The following POLR3B variants were observed in gnomAD, a reference collection of about 807,000 sequenced individuals.
POLR3B encodes the protein RNA polymerase III subunit B.
POLR3B carries 96 observed loss-of-function variants against 147.4 expected under a neutral mutation model. That is an observed-to-expected ratio of 0.65 (90% confidence interval 0.55 to 0.77). The LOEUF (loss-of-function observed/expected upper bound fraction) is 0.77, where lower values mean the gene tolerates loss of function less well. Among genes scored for constraint, POLR3B ranks in the 30% least tolerant of loss-of-function variants. The pLI is 0.00. For synonymous variants in POLR3B, 461 were observed against 485.9 expected, an observed-to-expected ratio of 0.95 and a Z score of 0.67; for missense variants, 1,036 against 1,413.5, an observed-to-expected ratio of 0.73 and a Z score of 4.28.
chr12:106,487,552 C>A (rs1268218252), intron 23 of POLR3B, among the ~76,000 whole-genome samples: 3 of 152,054 alleles, frequency 2.0e-5, no homozygotes, highest in African/African-American at 7.2e-5. Flanking sequence ...TGATTTTTGT[C>A]TTTTCTTAAA....
In POLR3B at chr12:106,454,507, A is replaced by G. The variant is rs1222269323; in HGVS notation, c.2089A>G (p.Ile697Val). 3 of 1,539,172 alleles carry G rather than the reference A, an allele frequency of 1.9e-6. No homozygotes were observed. In the South Asian group the frequency reaches 3.3e-5, roughly 17 times the overall value. Residue 697 changes from isoleucine to valine, a missense_variant, in exon 20 of 28, where the codon ATA (isoleucine) becomes GTA (valine). Transcript: ENST00000228347. ...CAMGKQAMGT[I>V]GYNQRNRIDT... ...TTTCTCCCATATCAATGCAGGTACTATAGGATACAACCAGCGAAACAGAAT... is the reference window on the plus strand; with the variant it reads ...TTTCTCCCATATCAATGCAGGTACTGTAGGATACAACCAGCGAAACAGAAT...
chr12:106,378,154 G>A, intron 7 of POLR3B, 113 bp from the exon 8 acceptor site: 1 of 773,658 alleles, frequency 1.3e-6, no homozygotes, highest in Admixed American at 1.7e-5. Flanking sequence ...GTTAGCCAGT[G>A]CCATGAAGCA....
Position 106,376,629 on chromosome 12 carries a change from C to CTTTTTTTTTTTTTTT in POLR3B, c.496+185_496+186insTTTTTTTTTTTTTTT, listed in dbSNP as rs137973753. Among the ~76,000 whole-genome samples the CTTTTTTTTTTTTTTT allele has an allele frequency of 8.1e-5, 12 of 147,430 alleles. 1 individual carries two copies. The highest frequency in any genetic ancestry group is 1.5e-4 in the African/African-American group (6 of 38,852). Reference sequence around the variant, plus strand: ...GCTACTAGTCTGTATTTCTTTCTTTCTTTTTTGAGATAGTGTCTCACTCTG... The same window carrying CTTTTTTTTTTTTTTT: ...GCTACTAGTCTGTATTTCTTTCTTTCTTTTTTTTTTTTTTTTTTTTTGAGATAGTGTCTCACTCTG... On this transcript the variant is annotated intron_variant, in intron 7 of 27. Coordinates refer to ENST00000228347, the MANE Select transcript of POLR3B (RefSeq NM_018082.6).
chr12:106,389,943 G>A (rs561488631), intron 9 of POLR3B, among the ~76,000 whole-genome samples: 23 of 152,198 alleles, frequency 1.5e-4, no homozygotes, highest in Non-Finnish European at 2.6e-4. Flanking sequence ...CTTTGGCCAG[G>A]CGTGGTGACT....
At chr12:106,426,525 C>T (rs1218467793) in intron 12 of POLR3B, among the ~76,000 whole-genome samples, 1 of 151,862 alleles carries the variant, frequency 6.6e-6, no homozygotes, top group African/African-American at 2.4e-5. Context: ...CCATCTTGGC[C>T]AGGCTGGTCT....
chr12:106,477,641 C>T (rs1282281286), intron 23 of POLR3B, among the ~76,000 whole-genome samples: 1 of 151,908 alleles, frequency 6.6e-6, no homozygotes, highest in Non-Finnish European at 1.5e-5. Context: ...GTGCGTCCGT[C>T]ACCCCTTTCT....
At position 106,504,260 on chromosome 12, in the gene POLR3B, T is replaced by A. The variant is rs747891348; in HGVS notation, c.3272+6T>A. ...CTTCTGGGGTATTCTGGCTGGTAAGTGGATACCATATGTCTCCCATACCAC... is the reference window on the plus strand; with the variant it reads ...CTTCTGGGGTATTCTGGCTGGTAAGAGGATACCATATGTCTCCCATACCAC... On this transcript the variant is annotated splice_donor_region_variant and intron_variant, in intron 27 of 27. Coordinates refer to ENST00000228347, the MANE Select transcript of POLR3B (RefSeq NM_018082.6). The surrounding 1 kb of genome is among the most constrained non-coding windows in gnomAD (Gnocchi z 4.6). 1 of 1,610,380 alleles carries A rather than the reference T, an allele frequency of 6.2e-7. No homozygotes were observed. Among genetic ancestry groups the A allele is most frequent in the Non-Finnish European group, 8.5e-7 (1 of 1,176,508 alleles).
chr12:106,360,358 G>A (rs2036453584), intron 1 of POLR3B, among the ~76,000 whole-genome samples: 1 of 152,008 alleles, frequency 6.6e-6, no homozygotes, highest in Non-Finnish European at 1.5e-5. Flanking sequence ...CTTTTCCCAT[G>A]GTTCCCCCCT....
chr12:106,401,355 C>T (rs1191969610), intron 10 of POLR3B, among the ~76,000 whole-genome samples: 1 of 152,014 alleles, frequency 6.6e-6, no homozygotes, highest in Non-Finnish European at 1.5e-5. Flanking sequence ...TAAAAAAAGT[C>T]CAGGACCAGA....
At chr12:106,387,791 T>C (rs1433194632) in intron 9 of POLR3B, among the ~76,000 whole-genome samples, 1 of 152,246 alleles carries the variant, frequency 6.6e-6, no homozygotes, top group Non-Finnish European at 1.5e-5. Context: ...TCTTTAAGTC[T>C]TGAATAACTC....
At chr12:106,468,997 G>A (rs867854359) in intron 23 of POLR3B, among the ~76,000 whole-genome samples, 1 of 152,160 alleles carries the variant, frequency 6.6e-6, no homozygotes, top group Middle Eastern at 3.2e-3. Flanking sequence ...GGATATCCTT[G>A]TTAAGTTTCT....
intron 25 of POLR3B, among the ~76,000 whole-genome samples, chr12:106,497,417 C>T (rs576613882): frequency 6.6e-6 from 1 of 152,124 alleles, no homozygotes; most frequent in East Asian, 2.0e-4. Flanking sequence ...GCTGGTGGAT[C>T]GCCCAGGAGT....
intron 9 of POLR3B, among the ~76,000 whole-genome samples, chr12:106,383,996 GAA>G (rs1042291348): frequency 2.2e-4 from 31 of 143,126 alleles, no homozygotes; most frequent in African/African-American, 5.5e-4. Context: ...AAAAGAGAGA[GAA>G]AAAAAAAAAG....
chr12:106,487,260 T>TGTTTGTTTGTTTGTTTC (rs2038353298), intron 23 of POLR3B, among the ~76,000 whole-genome samples: 3 of 152,146 alleles, frequency 2.0e-5, no homozygotes, highest in African/African-American at 7.2e-5. Flanking sequence ...CTGCAGAGGT[T>TGTTTGTTTGTTTGTTTC]TGTTTGTTTG....
At chr12:106,441,949 G>A (rs1162421948) in intron 18 of POLR3B, among the ~76,000 whole-genome samples, 3 of 151,918 alleles carry the variant, frequency 2.0e-5, no homozygotes, top group South Asian at 2.1e-4. Flanking sequence ...GTGTGGTGGC[G>A]CATGTCTGTA....
At chr12:106,405,705 A>G in intron 10 of POLR3B, 152 bp from the exon 11 acceptor site, 1 of 734,826 alleles carries the variant, frequency 1.4e-6, no homozygotes, top group South Asian at 1.6e-5. Context: ...TCATTGATTT[A>G]TGATAAACGT....
intron 12 of POLR3B, among the ~76,000 whole-genome samples, chr12:106,412,150 A>G (rs1412019486): frequency 6.6e-6 from 1 of 151,626 alleles, no homozygotes; most frequent in Non-Finnish European, 1.5e-5. Flanking sequence ...AACCTGATAG[A>G]CATTGTGGAT....
intron 10 of POLR3B, among the ~76,000 whole-genome samples, chr12:106,397,925 AC>A (rs2037002557): frequency 6.6e-6 from 1 of 152,254 alleles, no homozygotes. Context: ...TGAACGACGC[AC>A]TAAGACGGGT....
At chr12:106,386,919 A>G (rs1467702467) in intron 9 of POLR3B, among the ~76,000 whole-genome samples, 1 of 152,028 alleles carries the variant, frequency 6.6e-6, no homozygotes, top group Non-Finnish European at 1.5e-5. Context: ...AAAAAAAAAG[A>G]AAAAAGTTTC....
Sources: gnomAD v4.1 joint callset for allele counts (sites outside exome capture counted in the v4.1 genomes callset) on GRCh38, gnomAD v4.1.1 for gene constraint, Gnocchi (gnomAD v3.1) non-coding constraint, MANE v1.5 for transcripts, NCBI Gene and HGNC (gene_info 2026-07-23, HGNC 2026-07-21) for gene names.